The following NTM variants were observed in gnomAD, a reference collection of about 807,000 sequenced individuals.
NTM encodes the protein IgLON family member 2.
NTM carries 13 observed loss-of-function variants against 42.1 expected under a neutral mutation model. The observed-to-expected ratio is 0.31, with a 90% CI of 0.20 to 0.49. The LOEUF is 0.49. Among genes scored for constraint, NTM ranks in the 20% least tolerant of loss-of-function variants. The pLI is 0.99. For synonymous variants in NTM, 187 were observed against 179.2 expected (o/e 1.04, Z -0.35); for missense variants, 373 against 452.8 (o/e 0.82, Z 1.60).
intron 4 of NTM, among the ~76,000 whole-genome samples, chr11:132,286,782 C>G (rs375467447): frequency 9.9e-5 from 15 of 152,186 alleles, no homozygotes; most frequent in Non-Finnish European, 1.6e-4. Flanking sequence ...ACCTGACCAC[C>G]ATGACAATGG....
At position 131,789,608 on chromosome 11, in the gene NTM, A is replaced by G. The variant is rs1422189706; in HGVS notation, c.83-121956A>G. ...GAAGAAGAAGAAGAAGAAGAAGAAG[A>G]AGAAGAAGAAGAAGAAGAAGAAGAA... is the stretch of plus-strand genomic sequence containing the variant. On this transcript the variant is annotated intron_variant, in intron 1 of 8. Transcript: ENST00000683400. Among the ~76,000 whole-genome samples, 58 of 78,000 alleles carry G rather than the reference A, an allele frequency of 7.4e-4. 4 individuals carry two copies. The highest frequency in any genetic ancestry group is 1.2e-3 in the Non-Finnish European group (44 of 37,614). The allele number at this position is 78,000 out of a possible 152,430, so 51.2% of individuals were successfully genotyped here.
chr11:131,721,037 T>G (rs2078267346), intron 1 of NTM, among the ~76,000 whole-genome samples: 1 of 152,022 alleles, frequency 6.6e-6, no homozygotes, highest in Non-Finnish European at 1.5e-5. Context: ...TTTACTTTCC[T>G]ATGAAAAACT....
At chr11:131,500,271 C>T (rs529306606) in intron 1 of NTM, among the ~76,000 whole-genome samples, 1 of 152,272 alleles carries the variant, frequency 6.6e-6, no homozygotes, top group Non-Finnish European at 1.5e-5. Context: ...TCTCTTTGAA[C>T]AGGTTGTACA....
At chr11:131,852,729 A>T (rs1222750945) in intron 1 of NTM, among the ~76,000 whole-genome samples, 1 of 152,046 alleles carries the variant, frequency 6.6e-6, no homozygotes, top group East Asian at 1.9e-4. Context: ...ATACCCACCC[A>T]CCGATGGATT....
chr11:131,807,046 A>G (rs1445894396), intron 1 of NTM, among the ~76,000 whole-genome samples: 1 of 152,208 alleles, frequency 6.6e-6, no homozygotes, highest in Admixed American at 6.5e-5. Context: ...GTTTTAGGCT[A>G]TTCTTTGGAA....
At chr11:132,040,000 C>T (rs2076983406) in intron 2 of NTM, among the ~76,000 whole-genome samples, 1 of 152,100 alleles carries the variant, frequency 6.6e-6, no homozygotes, top group African/African-American at 2.4e-5. Flanking sequence ...TCTTGGCTCA[C>T]TGCAGCCTCT....
Position 132,051,459 on chromosome 11 carries a change from G to A in NTM, c.168-94823G>A, listed in dbSNP as rs7926711. On this transcript the variant is annotated intron_variant, in intron 2 of 8. Transcript: ENST00000683400. ...ATATTTTCACTCCGTGTGGGTTCTG[G>A]AATTGCTGGGATACCAAGTGTCTAC... 4.1e-3 allele frequency among the ~76,000 whole-genome samples: 630 copies of A among 152,310 alleles called. 3 individuals carry two copies. Among genetic ancestry groups the A allele is most frequent in the African/African-American group, 0.015 (614 of 41,570 alleles).
chr11:131,598,936 C>T (rs1239989452), intron 1 of NTM, among the ~76,000 whole-genome samples: 17 of 141,608 alleles, frequency 1.2e-4, no homozygotes, highest in African/African-American at 4.5e-4. Context: ...TCCTTTCAGA[C>T]AGAGTCTCGC....
At chr11:132,239,591 T>C (rs1306435159) in intron 4 of NTM, among the ~76,000 whole-genome samples, 4 of 152,194 alleles carry the variant, frequency 2.6e-5, no homozygotes, top group African/African-American at 4.8e-5. Flanking sequence ...TAATATGTAA[T>C]CTCAAGAATA....
chr11:132,314,871 C>T, intron 7 of NTM, 168 bp downstream of exon 7: 3 of 1,363,732 alleles, frequency 2.2e-6, no homozygotes, highest in Non-Finnish European at 2.8e-6. Context: ...GAGAGAGGGA[C>T]AGAGAGACAG....
rs145325386 is a variant in NTM at position 131,574,037 on chromosome 11, G to A, written c.82+203149G>A. ...GCAAATTGCTCTATTCCCTCTCATG[G>A]CTTCAGCACGTGGGTGTTGGGGAGG... On this transcript the variant is annotated intron_variant, in intron 1 of 8. Coordinates refer to ENST00000683400, the MANE Select transcript of NTM (RefSeq NM_001352005.2). 1.8e-4 allele frequency among the ~76,000 whole-genome samples: 27 copies of A among 152,244 alleles called. No homozygotes were observed. In the East Asian group the frequency reaches 5.2e-3, roughly 29 times the overall value.
At chr11:132,209,390 A>G (rs781030434) in intron 3 of NTM, among the ~76,000 whole-genome samples, 74 of 152,220 alleles carry the variant, frequency 4.9e-4, no homozygotes, top group African/African-American at 1.7e-3. Context: ...TGGGAGTGCA[A>G]TTGAGTGTGT....
intron 7 of NTM, chr11:132,314,933 CAAAGTAGTATATGTATAGTACATGTATA>C (rs1224729024): frequency 7.7e-7 from 1 of 1,296,480 alleles, no homozygotes; most frequent in African/African-American, 1.5e-5. Flanking sequence ...TACATGTATA[CAAAGTAGTATATGTATAGTACATGTATA>C]AAAGTAGATC....
intron 2 of NTM, among the ~76,000 whole-genome samples, chr11:131,967,440 T>C (rs1483010113): frequency 6.6e-6 from 1 of 152,122 alleles, no homozygotes; most frequent in African/African-American, 2.4e-5. Flanking sequence ...GCCTGTTTTG[T>C]GCAGAGACCA....
intron 2 of NTM, among the ~76,000 whole-genome samples, chr11:132,120,995 T>C (rs1268957141): frequency 6.6e-6 from 1 of 152,194 alleles, no homozygotes; most frequent in African/African-American, 2.4e-5. Context: ...AATTAATCAT[T>C]GTAATGCCTT....
chr11:131,692,976 T>A (rs1008307895), intron 1 of NTM, among the ~76,000 whole-genome samples: 20 of 152,174 alleles, frequency 1.3e-4, no homozygotes, highest in African/African-American at 4.8e-4. Flanking sequence ...TACATTGTGG[T>A]TAATTAATCT....
chr11:131,570,733 G>A (rs375100499), intron 1 of NTM, among the ~76,000 whole-genome samples: 2 of 152,228 alleles, frequency 1.3e-5, no homozygotes, highest in African/African-American at 4.8e-5. Flanking sequence ...TGAGGCACGA[G>A]AATCACTTGA....
At chr11:131,991,236 T>A (rs2066964787) in intron 2 of NTM, among the ~76,000 whole-genome samples, 1 of 152,280 alleles carries the variant, frequency 6.6e-6, no homozygotes, top group South Asian at 2.1e-4. Context: ...TTTGTTTGTT[T>A]TTTACCTTCT....
chr11:131,815,372 C>T (rs1229779182), intron 1 of NTM, among the ~76,000 whole-genome samples: 1 of 152,100 alleles, frequency 6.6e-6, no homozygotes, highest in African/African-American at 2.4e-5. Context: ...TCCCAGCCCT[C>T]GCCCACCCTG....
Sources: gnomAD v4.1 joint callset for allele counts (sites outside exome capture counted in the v4.1 genomes callset) on GRCh38, gnomAD v4.1.1 for gene constraint, MANE v1.5 for transcripts, NCBI Gene and HGNC (gene_info 2026-07-23, HGNC 2026-07-21) for gene names.